The following SPAST variants were observed in gnomAD, a reference collection of about 807,000 sequenced individuals.
SPAST encodes spastin.
In SPAST, 30 loss-of-function variants were observed where a neutral mutation model predicts 76.6. The observed-to-expected ratio is 0.39, with a 90% confidence interval of 0.29 to 0.53. SPAST has a LOEUF of 0.53. Ranked by LOEUF, SPAST falls within the 20% of genes least tolerant of loss-of-function variation. The probability of loss-of-function intolerance (pLI) is 0.68; values close to 1 mark genes in which losing one functional copy is unlikely to be tolerated. For synonymous variants in SPAST, 305 were observed against 281.0 expected (o/e 1.09, Z -0.86); for missense variants, 717 against 770.5 (o/e 0.93, Z 0.82).
intron 15 of SPAST, among the ~76,000 whole-genome samples, chr2:32,146,891 A>G (rs1358720542): frequency 6.6e-6 from 1 of 150,742 alleles, no homozygotes; most frequent in African/African-American, 2.4e-5. Flanking sequence ...GTAAATACAT[A>G]AAGTGCAGAG....
At position 32,087,467 on chromosome 2, in the gene SPAST, A is replaced by G. The variant is rs773363709; in HGVS notation, c.416-25A>G. The G allele has an allele frequency of 1.2e-5, 17 of 1,425,672 alleles. No homozygotes were observed. In the African/African-American group the frequency reaches 1.7e-4, roughly 14 times the overall value. The allele number at this position is 1,425,672 out of a possible 1,614,324, so 88.3% of individuals were successfully genotyped here. A position where few individuals can be genotyped will look rare whatever the true frequency, so the allele number is the denominator to read the frequency against. Reference sequence around the variant, plus strand: ...ATTTAGTGTACTCTTCATACGATCTATACAAATAATTTTTTATTTTAAAGC... The same window carrying G: ...ATTTAGTGTACTCTTCATACGATCTGTACAAATAATTTTTTATTTTAAAGC... On this transcript the variant is annotated intron_variant, in intron 1 of 16. Transcript: ENST00000315285.
chr2:32,112,101 C>CTGGGATT (rs1678637671), intron 4 of SPAST, among the ~76,000 whole-genome samples: 1 of 150,178 alleles, frequency 6.7e-6, no homozygotes, highest in South Asian at 2.1e-4. Context: ...TACAGGCACA[C>CTGGGATT]ACCACCATGC....
intron 7 of SPAST, among the ~76,000 whole-genome samples, chr2:32,117,486 G>C (rs1304993988): frequency 1.3e-5 from 2 of 149,822 alleles, no homozygotes; most frequent in Admixed American, 6.7e-5. Flanking sequence ...TTTTTAAAAA[G>C]AGAGAAATTG....
At position 32,106,696 on chromosome 2, in the gene SPAST, C is replaced by A. The variant is rs79229454; in HGVS notation, c.682+7805C>A. Among the ~76,000 whole-genome samples the A allele has an allele frequency of 5.9e-3, 896 of 152,290 alleles. 11 individuals are homozygous for A. The highest frequency in any genetic ancestry group is 0.02 in the African/African-American group (838 of 41,580). ...AGAAACAGTTGGTCATCAACTCTTTCCCTTGTGGCTTCACATCTCCCCTAA... is the reference window on the plus strand; with the variant it reads ...AGAAACAGTTGGTCATCAACTCTTTACCTTGTGGCTTCACATCTCCCCTAA... On this transcript the variant is annotated intron_variant, in intron 4 of 16. Transcript: ENST00000315285.
intron 1 of SPAST, among the ~76,000 whole-genome samples, chr2:32,078,942 C>T (rs1677087114): frequency 6.6e-6 from 1 of 152,048 alleles, no homozygotes; most frequent in Admixed American, 6.6e-5. Context: ...GCCTCAATCT[C>T]CTGCTCCCAT....
chr2:32,111,992 TAGTAGTAGTAGTAGTAGTAG>T, intron 4 of SPAST, among the ~76,000 whole-genome samples: 3 of 147,104 alleles, frequency 2.0e-5, no homozygotes, highest in African/African-American at 7.7e-5. Flanking sequence ...GTAGTAGTAG[TAGTAGTAGTAGTAGTAGTAG>T]TTTTTTTTTT....
At position 32,115,850 on chromosome 2, in the gene SPAST, C is replaced by A; in HGVS notation, c.1004+15C>A. The A allele has an allele frequency of 1.3e-6, 2 of 1,593,010 alleles. No individual in the cohort carries two copies. The highest frequency in any genetic ancestry group is 1.7e-6 in the Non-Finnish European group (2 of 1,164,530). On this transcript the variant is annotated intron_variant, in intron 6 of 16. Coordinates refer to ENST00000315285, the MANE Select transcript of SPAST (RefSeq NM_014946.4). ...ATTGTGGACAAGTAAGTTTTGCCAT[C>A]TAAATGTTTTATTTTATAGTTTTTA...
At chr2:32,078,369 T>A (rs147412660) in intron 1 of SPAST, among the ~76,000 whole-genome samples, 83 of 152,300 alleles carry the variant, frequency 5.4e-4, no homozygotes, top group African/African-American at 1.8e-3. Context: ...AGATGGAGTT[T>A]CTGGCCAAGC....
At chr2:32,098,990 T>A in intron 4 of SPAST, 99 bp downstream of exon 4, 1 of 835,712 alleles carries the variant, frequency 1.2e-6, no homozygotes. Context: ...AATGGTAGGT[T>A]TAATTGTTCA....
chr2:32,126,723 G>A, intron 7 of SPAST: 1 of 463,670 alleles, frequency 2.2e-6, no homozygotes, highest in Non-Finnish European at 3.9e-6. Flanking sequence ...TTGGGCTCAT[G>A]TAATCCTCCT....
chr2:32,134,361 G>A (rs926460034), intron 9 of SPAST, among the ~76,000 whole-genome samples: 1 of 152,038 alleles, frequency 6.6e-6, no homozygotes, highest in Admixed American at 6.6e-5. Flanking sequence ...AATTAGCGGG[G>A]TGTGGTGGCA....
At chr2:32,097,520 T>C (rs1677960771) in intron 3 of SPAST, among the ~76,000 whole-genome samples, 1 of 152,066 alleles carries the variant, frequency 6.6e-6, no homozygotes, top group South Asian at 2.1e-4. Context: ...TAGGGTATTG[T>C]ATATATATAC....
At chr2:32,109,342 C>G (rs1002362381) in intron 4 of SPAST, among the ~76,000 whole-genome samples, 7 of 151,710 alleles carry the variant, frequency 4.6e-5, no homozygotes, top group Non-Finnish European at 1.0e-4. Flanking sequence ...CTCCTGACTT[C>G]AGGTGATCCA....
chr2:32,109,130 A>G (rs192736495), intron 4 of SPAST, among the ~76,000 whole-genome samples: 175 of 150,612 alleles, frequency 1.2e-3, no homozygotes, highest in Non-Finnish European at 2.1e-3. Context: ...TTAGTTTTTG[A>G]GACTGAGTTG....
chr2:32,090,757 A>G lies in SPAST; in HGVS notation c.586+1152A>G, dbSNP rs1677677343. Reference sequence around the variant, plus strand: ...TTTCCTACAGTCTGACTTTTGCTGCATGCATCTTTTGTGGTATGTTTTAAC... The same window carrying G: ...TTTCCTACAGTCTGACTTTTGCTGCGTGCATCTTTTGTGGTATGTTTTAAC... On this transcript the variant is annotated intron_variant, in intron 3 of 16. Transcript: ENST00000315285. Among the ~76,000 whole-genome samples the G allele has an allele frequency of 2.0e-5, 3 of 152,142 alleles. 1 individual carries two copies. Among genetic ancestry groups the G allele is most frequent in the Admixed American group, 2.0e-4 (3 of 15,268 alleles).
chr2:32,152,495 TGC>T (rs1011656850), intron 16 of SPAST, among the ~76,000 whole-genome samples: 1 of 152,110 alleles, frequency 6.6e-6, no homozygotes, highest in African/African-American at 2.4e-5. Flanking sequence ...AGGCAGAGGT[TGC>T]AGTGAGCCGA....
chr2:32,116,065 G>C, intron 6 of SPAST, 54 bp from the exon 7 acceptor site: 1 of 1,297,652 alleles, frequency 7.7e-7, no homozygotes, highest in South Asian at 1.2e-5. Flanking sequence ...GCTTCATCTT[G>C]TAATAACTGG....
At chr2:32,127,185 T>G (rs1193060681) in intron 8 of SPAST, 163 bp downstream of exon 8, 1 of 642,904 alleles carries the variant, frequency 1.6e-6, no homozygotes, top group South Asian at 1.8e-5. Context: ...TTGAGTGATC[T>G]GGGCTCACCG....
intron 3 of SPAST, 34 bp from the exon 4 acceptor site, chr2:32,098,762 A>AT (rs1472819138): frequency 2.2e-6 from 3 of 1,380,118 alleles, no homozygotes; most frequent in South Asian, 1.2e-5. Flanking sequence ...CTTTTTGTTT[A>AT]TTTTTTCTGT....
Sources: allele counts gnomAD v4.1 joint callset (sites outside exome capture counted in the v4.1 genomes callset), GRCh38; gene constraint gnomAD v4.1.1; transcripts MANE v1.5; gene names NCBI Gene and HGNC (gene_info 2026-07-23, HGNC 2026-07-21).